Variants in RELN observed in about 807,000 individuals in gnomAD.
The protein encoded by RELN is reelin.
Under a neutral mutation model 427.6 loss-of-function variants are expected in RELN, and 108 were observed. The ratio of observed to expected loss-of-function variants is 0.25; its 90% confidence interval spans 0.22 to 0.30. The LOEUF (loss-of-function observed/expected upper bound fraction) is 0.30. Among genes scored for constraint, RELN ranks in the 10% least tolerant of loss-of-function variants. RELN has a pLI of 1.00. For synonymous variants in RELN, 1,524 were observed against 1,513.4 expected, an observed-to-expected ratio of 1.01 and a Z score of -0.16; for missense variants, 3,715 against 4,302.8, an observed-to-expected ratio of 0.86 and a Z score of 3.82.
intron 4 of RELN, among the ~76,000 whole-genome samples, chr7:103,758,646 G>C (rs1383509782): frequency 6.6e-6 from 1 of 150,764 alleles, no homozygotes; most frequent in Admixed American, 6.7e-5. Context: ...GAGCAGAGCA[G>C]TTAAATGAGA....
intron 3 of RELN, among the ~76,000 whole-genome samples, chr7:103,817,978 A>T (rs372884860): frequency 5.3e-5 from 8 of 150,906 alleles, no homozygotes; most frequent in African/African-American, 1.7e-4. Context: ...AAAAAAAGTG[A>T]ATTTACATAA....
chr7:103,486,950 T>C (rs1471980271), intron 60 of RELN, among the ~76,000 whole-genome samples: 1 of 152,194 alleles, frequency 6.6e-6, no homozygotes, highest in Non-Finnish European at 1.5e-5. Context: ...TAAAGACACA[T>C]GCACACTTAT....
intron 38 of RELN, 50 bp downstream of exon 38, chr7:103,556,927 T>G (rs1830535206): frequency 6.9e-7 from 1 of 1,448,644 alleles, no homozygotes; most frequent in Admixed American, 1.7e-5. Flanking sequence ...AACAAATGTG[T>G]TAACATGCCA....
intron 8 of RELN, among the ~76,000 whole-genome samples, chr7:103,711,526 T>C (rs757598889): frequency 6.6e-6 from 1 of 152,238 alleles, no homozygotes; most frequent in Non-Finnish European, 1.5e-5. Flanking sequence ...AATAAGACTT[T>C]GAAATTTTTG....
At chr7:103,764,246 C>T (rs116435671) in intron 4 of RELN, among the ~76,000 whole-genome samples, 3,924 of 152,256 alleles carry the variant, frequency 0.026, 58 homozygotes, top group African/African-American at 0.042. Flanking sequence ...ATCCTCACAA[C>T]CTTATGATGT....
intron 28 of RELN, among the ~76,000 whole-genome samples, chr7:103,583,908 C>T (rs927227533): frequency 7.9e-5 from 12 of 152,206 alleles, no homozygotes; most frequent in Non-Finnish European, 1.3e-4. Flanking sequence ...GAAGGCAATG[C>T]ACCAGACAGG....
intron 3 of RELN, among the ~76,000 whole-genome samples, chr7:103,810,276 G>C (rs950082166): frequency 1.3e-5 from 2 of 152,084 alleles, no homozygotes; most frequent in African/African-American, 2.4e-5. Flanking sequence ...CAAGCGTTAT[G>C]AAATCAATTA....
At chr7:103,631,554 A>C (rs1832468040) in intron 19 of RELN, among the ~76,000 whole-genome samples, 1 of 152,064 alleles carries the variant, frequency 6.6e-6, no homozygotes, top group South Asian at 2.1e-4. Context: ...GGCCTCCCAA[A>C]GTGCTGGGAT....
At chr7:103,802,194 TAAAC>T (rs1339315780) in intron 3 of RELN, among the ~76,000 whole-genome samples, 2 of 152,138 alleles carry the variant, frequency 1.3e-5, no homozygotes, top group Non-Finnish European at 2.9e-5. Context: ...GAAAATAAAT[TAAAC>T]AATCTTATAG....
rs529780694 is a variant in RELN at position 103,979,873 on chromosome 7, A to T, written c.226+9258T>A. ...AGAACACGTTTCTTCATTACTTAAA[A>T]TTTTTTGGCCAGGCGCGATGGCTCA... is the stretch of plus-strand genomic sequence containing the variant. On this transcript the variant is annotated intron_variant, in intron 1 of 64. Transcript: ENST00000428762. Among the ~76,000 whole-genome samples, 15 of 152,260 alleles carry T rather than the reference A, an allele frequency of 9.9e-5. No individual in the cohort carries two copies. In the East Asian group the frequency reaches 2.7e-3, roughly 27 times the overall value.
At chr7:103,531,436 G>A (rs550567369) in intron 46 of RELN, among the ~76,000 whole-genome samples, 1 of 152,188 alleles carries the variant, frequency 6.6e-6, no homozygotes, top group Admixed American at 6.5e-5. Context: ...GGAGCAGAGC[G>A]TGATGTAGTC....
At chr7:103,608,314 T>A (rs1831866655) in intron 22 of RELN, among the ~76,000 whole-genome samples, 1 of 151,956 alleles carries the variant, frequency 6.6e-6, no homozygotes, top group South Asian at 2.1e-4. Context: ...TAGAATATGA[T>A]TTTTTTGAAA....
rs1408151313 is a variant in RELN, at chr7:103,603,908, T to TTTA, written c.3147-419_3147-418insTAA. Among the ~76,000 whole-genome samples, 1 of 152,142 alleles carries TTTA rather than the reference T, an allele frequency of 6.6e-6. No homozygotes were observed. The highest frequency in any genetic ancestry group is 1.5e-5 in the Non-Finnish European group (1 of 68,022). On this transcript the variant is annotated intron_variant, in intron 23 of 64. Coordinates refer to ENST00000428762, the MANE Select transcript of RELN (RefSeq NM_005045.4). This position sits in a 1 kb window ranked among gnomAD's most constrained non-coding sequence, Gnocchi z 4.3. ...TTCCTCTTTCTGATTAAACTATGCC[T>TTTA]TTTTTAGAGTCTTTAGGTATTCAAG...
chr7:103,744,887 AAG>A (rs1438606581), intron 6 of RELN, among the ~76,000 whole-genome samples: 5 of 152,208 alleles, frequency 3.3e-5, no homozygotes, highest in African/African-American at 1.2e-4. Context: ...TCAATAGAAA[AAG>A]AGGGAATCCT....
chr7:103,986,907 T>C (rs1469236925), intron 1 of RELN, among the ~76,000 whole-genome samples: 2 of 151,348 alleles, frequency 1.3e-5, no homozygotes, highest in Admixed American at 1.3e-4. Context: ...GTTTTCCTAT[T>C]GGCAGTTCAA....
intron 1 of RELN, among the ~76,000 whole-genome samples, chr7:103,935,392 A>C: frequency 6.7e-6 from 1 of 148,756 alleles, no homozygotes; most frequent in Non-Finnish European, 1.5e-5. Context: ...GTCCCGGTCT[A>C]CTCTCTTCCC....
At chr7:103,677,125 A>G (rs1212574681) in intron 11 of RELN, among the ~76,000 whole-genome samples, 3 of 152,102 alleles carry the variant, frequency 2.0e-5, no homozygotes, top group Non-Finnish European at 4.4e-5. Flanking sequence ...ACACGGATGA[A>G]GCTGGAAACC....
chr7:103,623,298 A>C (rs3808025), intron 20 of RELN, among the ~76,000 whole-genome samples: 6,137 of 152,306 alleles, frequency 0.04, 169 homozygotes, highest in East Asian at 0.14. Context: ...AGTTGATTTA[A>C]TGCTCTTTTT....
intron 3 of RELN, among the ~76,000 whole-genome samples, chr7:103,805,093 T>C (rs1019824919): frequency 6.6e-6 from 1 of 151,884 alleles, no homozygotes; most frequent in Non-Finnish European, 1.5e-5. Context: ...AACAACTCAA[T>C]GTCAAGAAAA....
Sources: gnomAD v4.1 joint callset for allele counts (sites outside exome capture counted in the v4.1 genomes callset) on GRCh38, gnomAD v4.1.1 for gene constraint, Gnocchi (gnomAD v3.1) non-coding constraint, MANE v1.5 for transcripts, NCBI Gene and HGNC (gene_info 2026-07-23, HGNC 2026-07-21) for gene names.